Variants in RNF11 observed in about 807,000 individuals in gnomAD.
RNF11 encodes the protein ring finger protein 11.
RNF11 carries 4 observed loss-of-function variants against 15.8 expected under a neutral mutation model. The ratio of observed to expected loss-of-function variants is 0.25; its 90% CI spans 0.12 to 0.58. The LOEUF is 0.58. Among genes scored for constraint, RNF11 ranks in the 20% least tolerant of loss-of-function variants. The pLI, the probability that RNF11 is intolerant of heterozygous loss-of-function variation, is 0.91. For missense variants in RNF11, 139 were observed against 194.4 expected (o/e 0.71, Z 1.70); for synonymous variants, 68 against 72.3 (o/e 0.94, Z 0.30).
chr1:51,248,526 A>G (rs1392431160), intron 1 of RNF11, among the ~76,000 whole-genome samples: 1 of 152,144 alleles, frequency 6.6e-6, no homozygotes, highest in Non-Finnish European at 1.5e-5. Flanking sequence ...TCAGTTAGCA[A>G]GTATGTTTTA....
At chr1:51,247,616 G>C (rs925660662) in intron 1 of RNF11, among the ~76,000 whole-genome samples, 1 of 152,112 alleles carries the variant, frequency 6.6e-6, no homozygotes, top group East Asian at 1.9e-4. Flanking sequence ...AGTGATAAGG[G>C]AGAAGTAAAT....
intron 1 of RNF11, among the ~76,000 whole-genome samples, chr1:51,266,326 A>T (rs1646954389): frequency 6.6e-6 from 1 of 152,108 alleles, no homozygotes; most frequent in Non-Finnish European, 1.5e-5. Flanking sequence ...TTCACTTGGG[A>T]GAATGTTGGG....
intron 1 of RNF11, among the ~76,000 whole-genome samples, chr1:51,263,568 C>T (rs1182794045): frequency 6.6e-6 from 1 of 152,152 alleles, no homozygotes; most frequent in African/African-American, 2.4e-5. Context: ...TTTGGTAATT[C>T]TCGTGCTTTC....
At chr1:51,248,435 C>G (rs151111776) in intron 1 of RNF11, among the ~76,000 whole-genome samples, 1 of 152,076 alleles carries the variant, frequency 6.6e-6, no homozygotes, top group East Asian at 1.9e-4. Flanking sequence ...CTCCCGACCT[C>G]AGGTGATCCG....
At chr1:51,261,783 G>T (rs1646931725) in intron 1 of RNF11, among the ~76,000 whole-genome samples, 1 of 151,986 alleles carries the variant, frequency 6.6e-6, no homozygotes, top group Non-Finnish European at 1.5e-5. Context: ...GTCCTCCCGG[G>T]TTCACACCAT....
At position 51,264,292 on chromosome 1, in the gene RNF11, A is replaced by T. The variant is rs1347499642; in HGVS notation, c.124-5664A>T. 3.8e-5 allele frequency among the ~76,000 whole-genome samples: 3 copies of T among 79,934 alleles called. No homozygotes were observed. In the Admixed American group the frequency reaches 4.3e-4, roughly 12 times the overall value. 52.4% of individuals were successfully genotyped at this position (79,934 alleles called of 152,430 possible). A position where few individuals can be genotyped will look rare whatever the true frequency, so the allele number is the denominator to read the frequency against. ...AAAAAAAAAAAAAAAAAAAAAATAT[A>T]TATATATATATATATATATATATAT... On this transcript the variant is annotated intron_variant, in intron 1 of 2. Coordinates refer to ENST00000242719, the MANE Select transcript of RNF11 (RefSeq NM_014372.5).
chr1:51,251,566 A>G (rs1646878546), intron 1 of RNF11: 5 of 562,226 alleles, frequency 8.9e-6, no homozygotes, highest in Non-Finnish European at 1.2e-5. Flanking sequence ...AAGGTATGTC[A>G]TGATGGATGC....
At chr1:51,248,312 A>G (rs929490741) in intron 1 of RNF11, among the ~76,000 whole-genome samples, 2 of 150,156 alleles carry the variant, frequency 1.3e-5, no homozygotes, top group Non-Finnish European at 3.0e-5. Flanking sequence ...GGTTGAAGCG[A>G]TTCTCCTGCC....
chr1:51,236,577 C>G lies in RNF11; in HGVS notation c.-180C>G, dbSNP rs560528880. 9.3e-6 allele frequency: 6 copies of G among 646,122 alleles called. No homozygotes were observed. The highest frequency in any genetic ancestry group is 8.7e-5 in the South Asian group (4 of 46,108). The allele number at this position is 646,122 out of a possible 1,614,324, so 40.0% of individuals were successfully genotyped here. On this transcript the variant is annotated 5_prime_UTR_variant, in exon 1 of 3. Transcript: ENST00000242719. ...AGCCCGCGGCCCAGCCTTGATCCCC[C>G]AACCCCGGGGGCTGGCATGAGCGGC...
chr1:51,248,105 T>C (rs1314265965), intron 1 of RNF11, among the ~76,000 whole-genome samples: 1 of 147,652 alleles, frequency 6.8e-6, no homozygotes, highest in Non-Finnish European at 1.5e-5. Flanking sequence ...TCTTTTTTTT[T>C]TTTTTTTTTT....
At chr1:51,255,287 G>T (rs781128841) in intron 1 of RNF11, among the ~76,000 whole-genome samples, 1 of 152,116 alleles carries the variant, frequency 6.6e-6, no homozygotes, top group Admixed American at 6.6e-5. Context: ...TAGTGACAGG[G>T]TCTCACACTG....
intron 1 of RNF11, 164 bp from the exon 2 acceptor site, chr1:51,269,792 A>G (rs1646970191): frequency 4.8e-6 from 3 of 627,470 alleles, no homozygotes; most frequent in East Asian, 5.5e-5. Context: ...GTTTTATTCT[A>G]GTAGCTGAAG....
chr1:51,242,325 C>CTTTT (rs57821900), intron 1 of RNF11, among the ~76,000 whole-genome samples: 19 of 131,130 alleles, frequency 1.4e-4, no homozygotes, highest in African/African-American at 2.8e-4. Context: ...TTCAAGATAC[C>CTTTT]TTTTTTTTTT....
At chr1:51,266,302 A>G (rs940240220) in intron 1 of RNF11, among the ~76,000 whole-genome samples, 3 of 152,166 alleles carry the variant, frequency 2.0e-5, no homozygotes, top group African/African-American at 7.2e-5. Flanking sequence ...GAAAGAGACA[A>G]CAACCCAGGT....
chr1:51,252,413 G>A (rs921269706), intron 1 of RNF11, among the ~76,000 whole-genome samples: 12 of 151,970 alleles, frequency 7.9e-5, no homozygotes, highest in African/African-American at 2.7e-4. Flanking sequence ...TCAGGAATTC[G>A]AGACCAGCCT....
intron 1 of RNF11, among the ~76,000 whole-genome samples, chr1:51,251,900 G>A (rs1646879691): frequency 6.6e-6 from 1 of 152,012 alleles, no homozygotes; most frequent in African/African-American, 2.4e-5. Context: ...CCAACATGGT[G>A]AAACCCTGTT....
rs528854048 is a variant in RNF11, at chr1:51,236,819, C to T, written c.63C>T (p.Ser21=). The T allele has an allele frequency of 1.9e-6, 3 of 1,613,286 alleles. No homozygotes were observed. In the South Asian group the frequency reaches 3.3e-5, roughly 18 times the overall value. ...DDISLLHESQ[S]DRASFGEGTE... ...TCTCCCTGCTTCACGAGTCTCAGTC[C>T]GACCGGGCTAGCTTTGGCGAGGGGA... Residue 21 remains serine (S), a synonymous_variant, in exon 1 of 3, where the codon TCC becomes TCT. Transcript: ENST00000242719.
intron 1 of RNF11, among the ~76,000 whole-genome samples, chr1:51,263,382 G>C (rs1646939604): frequency 6.6e-6 from 1 of 152,186 alleles, no homozygotes; most frequent in Non-Finnish European, 1.5e-5. Flanking sequence ...TGAAAGTCGA[G>C]CCACAAAAGA....
chr1:51,240,451 T>TC (rs397971834), intron 1 of RNF11, among the ~76,000 whole-genome samples: 5 of 152,094 alleles, frequency 3.3e-5, no homozygotes, highest in African/African-American at 7.2e-5. Flanking sequence ...CCTGTTGTTT[T>TC]CCCCCCCAAT....
Sources: gnomAD v4.1 joint callset for allele counts (sites outside exome capture counted in the v4.1 genomes callset) on GRCh38, gnomAD v4.1.1 for gene constraint, MANE v1.5 for transcripts, NCBI Gene and HGNC (gene_info 2026-07-23, HGNC 2026-07-21) for gene names.